The following C1D variants were observed in gnomAD, a reference collection of about 807,000 sequenced individuals.
C1D encodes C1D nuclear receptor corepressor.
A neutral mutation model predicts 17.5 loss-of-function variants in C1D; 10 were observed. The ratio of observed to expected loss-of-function variants is 0.57; its 90% confidence interval spans 0.35 to 0.97. C1D has a LOEUF of 0.97. C1D is among the 50% of genes least tolerant of loss of function. The pLI is 0.01. For missense variants in C1D, 136 were observed against 160.1 expected, an observed-to-expected ratio of 0.85 and a Z score of 0.81; for synonymous variants, 49 against 54.0, an observed-to-expected ratio of 0.91 and a Z score of 0.40.
chr2:68,047,077 G>T, intron 2 of C1D, 96 bp downstream of exon 2: 1 of 1,100,916 alleles, frequency 9.1e-7, no homozygotes, highest in Non-Finnish European at 1.3e-6. Flanking sequence ...GGGAAAAGGG[G>T]CATAGGTCAT....
At chr2:68,049,526 C>T (rs1671224534) in intron 1 of C1D, among the ~76,000 whole-genome samples, 1 of 152,116 alleles carries the variant, frequency 6.6e-6, no homozygotes, top group African/African-American at 2.4e-5. Context: ...AAAAGAAGTA[C>T]ATAAACCATA....
chr2:68,047,047 C>A, intron 2 of C1D, 126 bp downstream of exon 2: 1 of 793,430 alleles, frequency 1.3e-6, no homozygotes, highest in Non-Finnish European at 1.8e-6. Context: ...TACCCAAACA[C>A]TAATAAAATT....
In C1D at chr2:68,045,337, A is replaced by G. The variant is rs530485509; in HGVS notation, c.261+651T>C. On this transcript the variant is annotated intron_variant, in intron 4 of 4. Coordinates refer to ENST00000410067, the MANE Select transcript of C1D (RefSeq NM_173177.3). ...ATAAAACCAAGTCAAGAAGGTAACC[A>G]TAAGTTTGATTTCTAATTTTTCTCT... is the stretch of plus-strand genomic sequence containing the variant. 3.3e-5 allele frequency among the ~76,000 whole-genome samples: 5 copies of G among 152,332 alleles called. No homozygotes were observed. In the East Asian group the frequency reaches 7.7e-4, roughly 23 times the overall value.
At chr2:68,051,420 G>A (rs892329411) in intron 1 of C1D, among the ~76,000 whole-genome samples, 32 of 152,106 alleles carry the variant, frequency 2.1e-4, no homozygotes, top group Non-Finnish European at 3.4e-4. Context: ...CACTCTGGGA[G>A]GTCAAGATGG....
At chr2:68,061,735 G>A (rs1671634696) in intron 1 of C1D, among the ~76,000 whole-genome samples, 1 of 152,126 alleles carries the variant, frequency 6.6e-6, no homozygotes. Context: ...GAACTATTTA[G>A]AGCCATGCTT....
At chr2:68,059,834 A>C (rs1246235561) in intron 1 of C1D, among the ~76,000 whole-genome samples, 1 of 152,052 alleles carries the variant, frequency 6.6e-6, no homozygotes, top group Non-Finnish European at 1.5e-5. Flanking sequence ...TTCTGTCTAC[A>C]TTTACTCCTT....
At chr2:68,046,977 ATAGT>A (rs1671144329) in intron 2 of C1D, among the ~76,000 whole-genome samples, 192 bp downstream of exon 2, 2 of 152,140 alleles carry the variant, frequency 1.3e-5, no homozygotes, top group African/African-American at 4.8e-5. Flanking sequence ...AGTTAAAAAC[ATAGT>A]TAGGAGGTAT....
intron 1 of C1D, chr2:68,053,256 A>G (rs560469542): frequency 6.7e-7 from 1 of 1,498,886 alleles, no homozygotes; most frequent in African/African-American, 1.4e-5. Context: ...TAACCCTAAC[A>G]GATGTTACTG....
intron 1 of C1D, among the ~76,000 whole-genome samples, chr2:68,059,071 G>A (rs537632780): frequency 3.3e-5 from 5 of 152,302 alleles, no homozygotes; most frequent in Non-Finnish European, 5.9e-5. Context: ...TTGGCTCCCA[G>A]TTCTGCAGGC....
rs1558579170 is a variant in C1D, at chr2:68,042,842, G to GC, written c.*46_*47insG. 2.6e-5 allele frequency: 8 copies of GC among 308,260 alleles called. No homozygotes were observed. The East Asian group carries it at 4.0e-4, about 15-fold the overall frequency. 19.1% of individuals were successfully genotyped at this position (308,260 alleles called of 1,614,324 possible). Reference sequence around the variant, plus strand: ...GAATTATTTTGCGGGGGGGGGGGGGGGGGGGAAGATGTACTTTTTGAATAT... The same window carrying GC: ...GAATTATTTTGCGGGGGGGGGGGGGGCGGGGGAAGATGTACTTTTTGAATAT... On this transcript the variant is annotated 3_prime_UTR_variant, in exon 5 of 5. Transcript: ENST00000410067.
At chr2:68,047,533 G>A (rs1273591330) in intron 1 of C1D, among the ~76,000 whole-genome samples, 2 of 152,074 alleles carry the variant, frequency 1.3e-5, no homozygotes, top group East Asian at 3.9e-4. Flanking sequence ...AGAACCAACC[G>A]AAGCCCACTA....
chr2:68,044,625 G>A (rs1671065534), intron 4 of C1D, among the ~76,000 whole-genome samples: 2 of 152,004 alleles, frequency 1.3e-5, no homozygotes, highest in Non-Finnish European at 2.9e-5. Flanking sequence ...GGAGAATGGT[G>A]TGAACCCGGG....
intron 1 of C1D, among the ~76,000 whole-genome samples, chr2:68,051,594 T>G (rs1176797767): frequency 2.6e-5 from 4 of 152,208 alleles, no homozygotes; most frequent in Admixed American, 6.5e-5. Context: ...TCACCTTCTG[T>G]GACTTCATCT....
chr2:68,061,534 T>C (rs981149879), intron 1 of C1D, among the ~76,000 whole-genome samples: 1 of 152,182 alleles, frequency 6.6e-6, no homozygotes, highest in African/African-American at 2.4e-5. Flanking sequence ...AGCAGCAAAA[T>C]TACCTTCCAA....
intron 1 of C1D, among the ~76,000 whole-genome samples, chr2:68,059,829 T>C (rs1666744210): frequency 6.6e-6 from 1 of 152,178 alleles, no homozygotes; most frequent in South Asian, 2.1e-4. Context: ...CTCTTTTCTG[T>C]CTACATTTAC....
chr2:68,043,143 A>G (rs1671018960), intron 4 of C1D, 90 bp from the exon 5 acceptor site: 1 of 968,384 alleles, frequency 1.0e-6, no homozygotes, highest in African/African-American at 1.7e-5. Context: ...TAAATTCAAC[A>G]TATATGTATT....
intron 1 of C1D, among the ~76,000 whole-genome samples, chr2:68,051,525 C>A (rs1671282355): frequency 6.6e-6 from 1 of 152,094 alleles, no homozygotes; most frequent in Non-Finnish European, 1.5e-5. Flanking sequence ...AACTATTTAT[C>A]TTTTAAAAAT....
chr2:68,042,147 C>T lies in C1D; in HGVS notation c.*742G>A, dbSNP rs1195820872. ...TCTCTATTTGTGATGACTTCTAAAA[C>T]CTATCTTCCTAATTTGGAAGGCAAA... is the stretch of plus-strand genomic sequence containing the variant. On this transcript the variant is annotated 3_prime_UTR_variant, in exon 5 of 5. Coordinates refer to ENST00000410067, the MANE Select transcript of C1D (RefSeq NM_173177.3). 6.6e-6 allele frequency: 1 copy of T among 152,072 alleles called. No individual in the cohort carries two copies. Among genetic ancestry groups the T allele is most frequent in the Non-Finnish European group, 1.5e-5 (1 of 67,912 alleles). The allele number at this position is 152,072 out of a possible 1,614,324, so 9.4% of individuals were successfully genotyped here.
At position 68,045,891 on chromosome 2, in the gene C1D, G is replaced by A. The variant is rs765637007; in HGVS notation, c.261+97C>T. ...TGGCTCACTTTCATAATTTCAACTC[G>A]AATTCTGTTCTCCCTAATTTGTGTG... On this transcript the variant is annotated intron_variant, in intron 4 of 4. Coordinates refer to ENST00000410067, the MANE Select transcript of C1D (RefSeq NM_173177.3). The A allele has an allele frequency of 2.6e-4, 212 of 827,980 alleles. 1 individual carries two copies. Among genetic ancestry groups the A allele is most frequent in the Middle Eastern group, 1.3e-3 (6 of 4,584 alleles). The allele number at this position is 827,980 out of a possible 1,614,324, so 51.3% of individuals were successfully genotyped here. A position where few individuals can be genotyped will look rare whatever the true frequency, so the allele number is the denominator to read the frequency against.
Sources: gnomAD v4.1 joint callset for allele counts (sites outside exome capture counted in the v4.1 genomes callset) on GRCh38, gnomAD v4.1.1 for gene constraint, MANE v1.5 for transcripts, NCBI Gene and HGNC (gene_info 2026-07-23, HGNC 2026-07-21) for gene names.